The following MSI2 variants were observed in gnomAD, a reference collection of about 807,000 sequenced individuals.
MSI2 encodes musashi RNA binding protein 2, also known as RNA-binding protein Musashi homolog 2.
A neutral mutation model predicts 45.6 loss-of-function variants in MSI2; 17 were observed. The ratio of observed to expected loss-of-function variants is 0.37; its 90% CI spans 0.26 to 0.56. The LOEUF is 0.56. MSI2 is among the 20% of genes least tolerant of loss of function. MSI2 has a pLI of 0.77. For synonymous variants in MSI2, 156 were observed against 158.2 expected (o/e 0.99, Z 0.11); for missense variants, 293 against 444.2 (o/e 0.66, Z 3.06).
At chr17:57,408,785 G>A (rs2084133063) in intron 6 of MSI2, among the ~76,000 whole-genome samples, 1 of 152,188 alleles carries the variant, frequency 6.6e-6, no homozygotes, top group South Asian at 2.1e-4. Context: ...GTGGGTGCAA[G>A]GGGTGGTTCT....
At chr17:57,390,326 C>A (rs1456957758) in intron 5 of MSI2, among the ~76,000 whole-genome samples, 3 of 152,282 alleles carry the variant, frequency 2.0e-5, no homozygotes, top group East Asian at 3.9e-4. Flanking sequence ...TAGCTTCTTA[C>A]AGAGCCCTGG....
intron 6 of MSI2, among the ~76,000 whole-genome samples, chr17:57,503,476 T>TA (rs1214180121): frequency 4.6e-5 from 7 of 152,328 alleles, no homozygotes; most frequent in Admixed American, 4.6e-4. Flanking sequence ...ACACATGTAT[T>TA]AAAAAATAAG....
At chr17:57,563,397 C>T (rs994215460) in intron 7 of MSI2, among the ~76,000 whole-genome samples, 1 of 152,104 alleles carries the variant, frequency 6.6e-6, no homozygotes, top group African/African-American at 2.4e-5. Flanking sequence ...ACCATTTATA[C>T]TCACTCAGGC....
In MSI2 at chr17:57,645,292, G is replaced by A. The variant is rs1910572257; in HGVS notation, c.728-6807G>A. On this transcript the variant is annotated intron_variant, in intron 10 of 13. Coordinates refer to ENST00000284073, the MANE Select transcript of MSI2 (RefSeq NM_138962.4). ...GGCTCTCACAGGGGACAGGCCACAA[G>A]AGTTAGCCCCCTGTATTCTCAGGAG... 2.0e-5 allele frequency among the ~76,000 whole-genome samples: 3 copies of A among 152,210 alleles called. No homozygotes were observed. In the South Asian group the frequency reaches 6.2e-4, roughly 32 times the overall value.
chr17:57,570,263 T>C (rs2087842914), intron 7 of MSI2, among the ~76,000 whole-genome samples: 4 of 152,204 alleles, frequency 2.6e-5, no homozygotes, highest in Admixed American at 2.6e-4. Flanking sequence ...TCAGAGGCTC[T>C]GAGGGTGGCG....
intron 6 of MSI2, among the ~76,000 whole-genome samples, chr17:57,465,077 C>G (rs1334184992): frequency 3.2e-4 from 49 of 152,162 alleles, no homozygotes; most frequent in Non-Finnish European, 2.9e-5. Context: ...ATGGAACCAT[C>G]AAGAATAGTT....
chr17:57,257,447 T>G lies in MSI2; in HGVS notation c.104-19T>G. ...ACACCTTCTCTCCCCCCCCCATCTCTCTCTTTCTCTCTCTACAGATAGCCT... is the reference window on the plus strand; with the variant it reads ...ACACCTTCTCTCCCCCCCCCATCTCGCTCTTTCTCTCTCTACAGATAGCCT... On this transcript the variant is annotated intron_variant, in intron 2 of 13. Coordinates refer to ENST00000284073, the MANE Select transcript of MSI2 (RefSeq NM_138962.4). The G allele has an allele frequency of 8.4e-7, 1 of 1,192,746 alleles. No individual in the cohort carries two copies. The highest frequency in any genetic ancestry group is 1.2e-6 in the Non-Finnish European group (1 of 825,172). 73.9% of individuals were successfully genotyped at this position (1,192,746 alleles called of 1,614,324 possible). A position where few individuals can be genotyped will look rare whatever the true frequency, so the allele number is the denominator to read the frequency against.
At chr17:57,303,036 G>A (rs1258868881) in intron 5 of MSI2, among the ~76,000 whole-genome samples, 2 of 152,218 alleles carry the variant, frequency 1.3e-5, no homozygotes, top group South Asian at 4.1e-4. Context: ...GCTCCAGCTG[G>A]TGATCAGAGG....
At chr17:57,614,657 C>T (rs1907504794) in intron 8 of MSI2, among the ~76,000 whole-genome samples, 1 of 152,192 alleles carries the variant, frequency 6.6e-6, no homozygotes, top group Admixed American at 6.5e-5. Flanking sequence ...CTGCAACATC[C>T]CATCTTCATC....
intron 5 of MSI2, among the ~76,000 whole-genome samples, chr17:57,386,142 G>A (rs756605116): frequency 3.9e-5 from 6 of 152,006 alleles, no homozygotes; most frequent in Non-Finnish European, 7.4e-5. Context: ...TACCCCTATC[G>A]AATCACCAGC....
intron 7 of MSI2, among the ~76,000 whole-genome samples, chr17:57,564,244 G>T (rs116988267): frequency 6.6e-6 from 1 of 152,208 alleles, no homozygotes; most frequent in Admixed American, 6.5e-5. Context: ...ATATTTATGG[G>T]CACTGGCCCA....
chr17:57,336,203 G>C (rs1373935799), intron 5 of MSI2, among the ~76,000 whole-genome samples: 2 of 152,198 alleles, frequency 1.3e-5, no homozygotes, highest in Non-Finnish European at 2.9e-5. Context: ...CTTGAAGGTT[G>C]AGCTATGGGA....
intron 8 of MSI2, among the ~76,000 whole-genome samples, chr17:57,598,168 C>T (rs944512182): frequency 3.9e-5 from 6 of 152,194 alleles, no homozygotes; most frequent in Non-Finnish European, 8.8e-5. Flanking sequence ...TTTTGGTTGG[C>T]CACGAGAGCC....
At chr17:57,405,483 G>A (rs1341535577) in intron 6 of MSI2, among the ~76,000 whole-genome samples, 1 of 152,212 alleles carries the variant, frequency 6.6e-6, no homozygotes, top group Non-Finnish European at 1.5e-5. Context: ...AACATTAATA[G>A]GATGGATAGA....
intron 7 of MSI2, among the ~76,000 whole-genome samples, chr17:57,579,692 A>G (rs927209940): frequency 1.3e-5 from 2 of 152,222 alleles, no homozygotes; most frequent in African/African-American, 4.8e-5. Flanking sequence ...TTATTAAGTC[A>G]TGACAGCAAG....
chr17:57,472,297 G>A (rs536570954), intron 6 of MSI2, among the ~76,000 whole-genome samples: 2 of 152,318 alleles, frequency 1.3e-5, no homozygotes, highest in South Asian at 4.1e-4. Context: ...TCAGTCCAGG[G>A]ACCGGCCTCC....
At chr17:57,561,769 A>G (rs1358403812) in intron 7 of MSI2, among the ~76,000 whole-genome samples, 41 of 152,152 alleles carry the variant, frequency 2.7e-4, no homozygotes, top group Admixed American at 2.6e-3. Flanking sequence ...CCCTTTATCC[A>G]GAGGGGATCG....
chr17:57,377,427 G>A (rs972623677), intron 5 of MSI2, among the ~76,000 whole-genome samples: 3 of 152,164 alleles, frequency 2.0e-5, no homozygotes, highest in Non-Finnish European at 2.9e-5. Flanking sequence ...ATTCTGTGTC[G>A]GGGAAAGGAC....
At chr17:57,459,426 G>C (rs2085180478) in intron 6 of MSI2, among the ~76,000 whole-genome samples, 1 of 152,178 alleles carries the variant, frequency 6.6e-6, no homozygotes, top group Admixed American at 6.5e-5. Flanking sequence ...CATCTGCTGT[G>C]GCTTTTGCTC....
Sources: allele counts gnomAD v4.1 joint callset (sites outside exome capture counted in the v4.1 genomes callset), GRCh38; gene constraint gnomAD v4.1.1; transcripts MANE v1.5; gene names NCBI Gene and HGNC (gene_info 2026-07-23, HGNC 2026-07-21).